Variants in AVEN observed in about 807,000 individuals in gnomAD.
AVEN encodes cell death regulator Aven.
In AVEN, 41 loss-of-function variants were observed where a neutral mutation model predicts 38.1. The observed-to-expected ratio is 1.08, with a 90% CI of 0.84 to 1.40. The LOEUF is 1.40. AVEN is among the 40% of genes most tolerant of loss of function. The pLI is 0.00. For missense variants in AVEN, 605 were observed against 438.8 expected, an observed-to-expected ratio of 1.38 and a Z score of -3.38; for synonymous variants, 206 against 171.8, an observed-to-expected ratio of 1.20 and a Z score of -1.56.
intron 1 of AVEN, among the ~76,000 whole-genome samples, chr15:34,021,323 T>A (rs1214213306): frequency 6.6e-6 from 1 of 151,876 alleles, no homozygotes; most frequent in African/African-American, 2.4e-5. Context: ...TTCACTCTTG[T>A]TGCCCAGACT....
chr15:33,986,692 T>C, intron 2 of AVEN, among the ~76,000 whole-genome samples: 1 of 152,130 alleles, frequency 6.6e-6, no homozygotes. Context: ...AGTCTCACTC[T>C]GTCACCTAGG....
chr15:33,933,519 AC>A (rs2153051557), intron 2 of AVEN, among the ~76,000 whole-genome samples: 1 of 109,236 alleles, frequency 9.2e-6, no homozygotes, highest in East Asian at 2.4e-4. Context: ...ACACACACAC[AC>A]ACACAGAGAG....
intron 2 of AVEN, among the ~76,000 whole-genome samples, chr15:33,988,407 C>G (rs969531441): frequency 2.6e-5 from 4 of 152,102 alleles, no homozygotes; most frequent in African/African-American, 9.7e-5. Context: ...ATTTCTAAGG[C>G]TTAGTTTCTA....
At chr15:33,900,814 C>T in intron 2 of AVEN, among the ~76,000 whole-genome samples, 1 of 30,650 alleles carries the variant, frequency 3.3e-5, no homozygotes, top group East Asian at 3.7e-3. Flanking sequence ...ACCCAGACAA[C>T]TATTAACTGC....
At chr15:33,934,716 T>C (rs1893994392) in intron 2 of AVEN, among the ~76,000 whole-genome samples, 1 of 152,198 alleles carries the variant, frequency 6.6e-6, no homozygotes, top group Non-Finnish European at 1.5e-5. Flanking sequence ...TGTATTTACC[T>C]TGTATCCTGG....
At chr15:33,899,298 A>G (rs1892381229) in intron 2 of AVEN, among the ~76,000 whole-genome samples, 1 of 152,096 alleles carries the variant, frequency 6.6e-6, no homozygotes, top group Non-Finnish European at 1.5e-5. Context: ...AATTTTCTTC[A>G]TTGATCCAGC....
At chr15:34,055,779 C>G (rs1469177114) in intron 5 of AVEN, among the ~76,000 whole-genome samples, 1 of 151,728 alleles carries the variant, frequency 6.6e-6, no homozygotes, top group Non-Finnish European at 1.5e-5. Context: ...CCAGCCTGGG[C>G]GACGGAGCAA....
chr15:34,013,149 C>T (rs113795754), intron 1 of AVEN, among the ~76,000 whole-genome samples: 18,426 of 152,004 alleles, frequency 0.12, 1,221 homozygotes, highest in East Asian at 0.24. Flanking sequence ...GCAACCTCTG[C>T]CTCCTGGGTT....
chr15:33,909,726 T>C (rs1892845888), intron 2 of AVEN, among the ~76,000 whole-genome samples: 1 of 152,236 alleles, frequency 6.6e-6, no homozygotes, highest in Non-Finnish European at 1.5e-5. Context: ...TCAAAACAAT[T>C]TTGGAATGGC....
At chr15:33,869,506 T>C (rs1890844325) in intron 4 of AVEN, among the ~76,000 whole-genome samples, 2 of 152,084 alleles carry the variant, frequency 1.3e-5, no homozygotes, top group African/African-American at 4.8e-5. Flanking sequence ...CTTCAGAACT[T>C]TGAACATCAC....
At chr15:34,006,776 G>A (rs1194759177) in intron 1 of AVEN, among the ~76,000 whole-genome samples, 4 of 152,178 alleles carry the variant, frequency 2.6e-5, no homozygotes, top group Non-Finnish European at 5.9e-5. Context: ...ATTCACAAGA[G>A]AGTAGTAAGA....
At chr15:34,022,771 T>A (rs1898259467) in intron 1 of AVEN, among the ~76,000 whole-genome samples, 1 of 152,174 alleles carries the variant, frequency 6.6e-6, no homozygotes, top group Non-Finnish European at 1.5e-5. Flanking sequence ...ACACACACAC[T>A]CTCCAGCTTA....
At chr15:33,995,844 A>G (rs1317657589) in intron 2 of AVEN, among the ~76,000 whole-genome samples, 2 of 152,206 alleles carry the variant, frequency 1.3e-5, no homozygotes, top group Admixed American at 1.3e-4. Context: ...CAGTGGGTGC[A>G]GGCCACGGAG....
At chr15:33,977,648 T>C (rs1895943785) in intron 2 of AVEN, among the ~76,000 whole-genome samples, 2 of 152,310 alleles carry the variant, frequency 1.3e-5, no homozygotes, top group South Asian at 2.1e-4. Flanking sequence ...CTGTGAAATT[T>C]TGAACCTTGA....
intron 1 of AVEN, among the ~76,000 whole-genome samples, chr15:34,013,908 G>T (rs73387951): frequency 6.6e-6 from 1 of 152,124 alleles, no homozygotes; most frequent in Non-Finnish European, 1.5e-5. Flanking sequence ...CTGAAGGAAC[G>T]GCTGCTATCT....
At position 34,063,339 on chromosome 15, in the gene AVEN, G is replaced by C. The variant is rs1328286304; in HGVS notation, n.1220C>G. 6.2e-7 allele frequency: 1 copy of C among 1,614,112 alleles called. No individual in the cohort carries two copies. Among genetic ancestry groups the C allele is most frequent in the Admixed American group, 1.7e-5 (1 of 60,010 alleles). On this transcript the variant is annotated non_coding_transcript_exon_variant, in exon 5 of 12. Coordinates refer to the AVEN transcript ENST00000675287. This position sits in a 1 kb window ranked among gnomAD's most constrained non-coding sequence, Gnocchi z 4.1. ...TGCTGCCTTCTACATCCCTGTTTCT[G>C]TCATGACCATCCTCTACTGTCGAAT...
rs190579988 is a variant in AVEN at position 33,871,482 on chromosome 15, C to T, written c.517-452G>A. Among the ~76,000 whole-genome samples the T allele has an allele frequency of 7.4e-3, 1,122 of 152,006 alleles. 9 individuals carry two copies. The highest frequency in any genetic ancestry group is 0.01 in the Non-Finnish European group (695 of 67,976). ...ACTCGGGAGGCTGAGGCAGGAGAAT[C>T]GCTTGAACCTGGGAGGCAGAGGCCG... On this transcript the variant is annotated intron_variant, in intron 3 of 5. Transcript: ENST00000306730.
chr15:33,904,483 G>A (rs1356854740), intron 2 of AVEN, among the ~76,000 whole-genome samples: 1 of 151,948 alleles, frequency 6.6e-6, no homozygotes, highest in Non-Finnish European at 1.5e-5. Context: ...ATGATCTCAG[G>A]TCACTGCAAC....
Position 34,003,082 on chromosome 15 carries a change from C to G in AVEN, c.395G>C (p.Ser132Thr), listed in dbSNP as rs745763980. ...ATCTGTTCCCCTCTGTGACTCTCCA[C>G]TTTCATTATTGACCTCTTTTTCAAT... ...QDIEKEVNNE[S>T]GESQRGTDFS... is the part of the protein sequence containing the mutation. Residue 132 changes from serine to threonine, a missense_variant, in exon 2 of 6, where the codon AGT (serine) becomes ACT (threonine). Transcript: ENST00000306730. 6.2e-7 allele frequency: 1 copy of G among 1,614,002 alleles called. No homozygotes were observed.
Sources: gnomAD v4.1 joint callset for allele counts (sites outside exome capture counted in the v4.1 genomes callset) on GRCh38, gnomAD v4.1.1 for gene constraint, Gnocchi (gnomAD v3.1) non-coding constraint, MANE v1.5 for transcripts, NCBI Gene and HGNC (gene_info 2026-07-23, HGNC 2026-07-21) for gene names.